Variants in ITGA9 observed in about 807,000 individuals in gnomAD.
ITGA9 encodes the protein integrin alpha-9.
ITGA9 carries 56 observed loss-of-function variants against 127.8 expected under a neutral mutation model. That is an observed-to-expected ratio of 0.44 (90% CI 0.35 to 0.55). The LOEUF is 0.55. ITGA9 is among the 20% of genes least tolerant of loss of function. ITGA9 has a pLI of 0.00. For synonymous variants in ITGA9, 508 were observed against 514.5 expected (o/e 0.99, Z 0.17); for missense variants, 1,196 against 1,347.1 (o/e 0.89, Z 1.76).
chr3:37,541,399 GA>G (rs1480947787), intron 14 of ITGA9, among the ~76,000 whole-genome samples: 3 of 152,198 alleles, frequency 2.0e-5, no homozygotes, highest in Non-Finnish European at 4.4e-5. Flanking sequence ...CTCTGGCACA[GA>G]AAAGCAGTAA....
chr3:37,573,902 A>G (rs1699626607), intron 15 of ITGA9, among the ~76,000 whole-genome samples: 1 of 152,194 alleles, frequency 6.6e-6, no homozygotes, highest in Non-Finnish European at 1.5e-5. Context: ...TGAACTAGGC[A>G]GAATGAGCAG....
chr3:37,760,166 G>C (rs1173547453), intron 23 of ITGA9, among the ~76,000 whole-genome samples: 2 of 152,058 alleles, frequency 1.3e-5, no homozygotes, highest in East Asian at 3.9e-4. Flanking sequence ...AGGAGGCTGA[G>C]GCAGGAGAAT....
At chr3:37,586,555 G>A (rs1699761104) in intron 15 of ITGA9, among the ~76,000 whole-genome samples, 1 of 152,242 alleles carries the variant, frequency 6.6e-6, no homozygotes, top group Non-Finnish European at 1.5e-5. Context: ...TCTGCAGAAA[G>A]CCATGCCTAG....
At chr3:37,595,466 C>G (rs922282054) in intron 15 of ITGA9, among the ~76,000 whole-genome samples, 1 of 152,196 alleles carries the variant, frequency 6.6e-6, no homozygotes, top group African/African-American at 2.4e-5. Flanking sequence ...GTTGAGAAAC[C>G]TGTTCTCCCT....
chr3:37,653,651 G>A (rs921714793), intron 16 of ITGA9, 63 bp from the exon 17 acceptor site: 7 of 1,152,696 alleles, frequency 6.1e-6, no homozygotes, highest in Middle Eastern at 4.5e-4. Flanking sequence ...AAAGGAATTG[G>A]CCACTGTGTA....
Position 37,551,291 on chromosome 3 carries a change from A to G in ITGA9, c.1689+8706A>G, listed in dbSNP as rs146068609. 2.6e-3 allele frequency among the ~76,000 whole-genome samples: 391 copies of G among 152,250 alleles called. 1 individual carries two copies. Among genetic ancestry groups the G allele is most frequent in the Non-Finnish European group, 4.6e-3 (315 of 68,026 alleles). On this transcript the variant is annotated intron_variant, in intron 15 of 27. Transcript: ENST00000264741. ...GGATTCTGTTCGCCAGCCCCTCTGC[A>G]CTCTGAAGATGCACAGCAGCCTCTC...
At chr3:37,476,099 G>A (rs1371348666) in intron 3 of ITGA9, among the ~76,000 whole-genome samples, 1 of 152,148 alleles carries the variant, frequency 6.6e-6, no homozygotes, top group East Asian at 1.9e-4. Context: ...TCTATTGACG[G>A]ACATTTAGGT....
intron 26 of ITGA9, among the ~76,000 whole-genome samples, chr3:37,802,726 A>G (rs1697250273): frequency 6.6e-6 from 1 of 152,204 alleles, no homozygotes; most frequent in African/African-American, 2.4e-5. Context: ...CATGTTTAAC[A>G]ATCAGTTCTC....
intron 1 of ITGA9, among the ~76,000 whole-genome samples, chr3:37,466,428 G>A (rs1023529571): frequency 2.9e-5 from 4 of 139,030 alleles, no homozygotes; most frequent in African/African-American, 1.1e-4. Flanking sequence ...AGGTTGCAGT[G>A]AGCGGAGATC....
chr3:37,721,597 G>A (rs1575208124), intron 18 of ITGA9, among the ~76,000 whole-genome samples: 1 of 152,162 alleles, frequency 6.6e-6, no homozygotes, highest in Admixed American at 6.5e-5. Flanking sequence ...AAAATTTCAA[G>A]GAAGCAACTG....
chr3:37,537,506 A>G (rs1699220943), intron 14 of ITGA9, among the ~76,000 whole-genome samples: 1 of 152,222 alleles, frequency 6.6e-6, no homozygotes, highest in Non-Finnish European at 1.5e-5. Flanking sequence ...CAGCACAGCA[A>G]GCATCCAGTT....
intron 18 of ITGA9, among the ~76,000 whole-genome samples, chr3:37,716,619 C>G (rs138508790): frequency 1.6e-4 from 23 of 148,360 alleles, no homozygotes; most frequent in Non-Finnish European, 3.1e-4. Flanking sequence ...AACAAGCATA[C>G]TAGATCTTAA....
chr3:37,644,256 A>C (rs1700357184), intron 16 of ITGA9, among the ~76,000 whole-genome samples: 1 of 152,216 alleles, frequency 6.6e-6, no homozygotes, highest in African/African-American at 2.4e-5. Flanking sequence ...CAGTTATCAC[A>C]GGGGTTGAAC....
At chr3:37,801,891 A>G (rs944819007) in intron 26 of ITGA9, among the ~76,000 whole-genome samples, 3 of 152,134 alleles carry the variant, frequency 2.0e-5, no homozygotes, top group African/African-American at 7.2e-5. Context: ...TGGCACACGC[A>G]CACACTCTCC....
At chr3:37,465,061 C>G (rs1189698560) in intron 1 of ITGA9, among the ~76,000 whole-genome samples, 1 of 152,234 alleles carries the variant, frequency 6.6e-6, no homozygotes, top group Non-Finnish European at 1.5e-5. Flanking sequence ...ATGCTGAAAG[C>G]AAACCTAATG....
chr3:37,590,540 G>C (rs966864028), intron 15 of ITGA9, among the ~76,000 whole-genome samples: 10 of 152,188 alleles, frequency 6.6e-5, no homozygotes, highest in Non-Finnish European at 1.0e-4. Context: ...CAAATATTTA[G>C]CTACGGCCAC....
At chr3:37,666,079 G>T (rs1036951809) in intron 17 of ITGA9, among the ~76,000 whole-genome samples, 1 of 152,192 alleles carries the variant, frequency 6.6e-6, no homozygotes, top group African/African-American at 2.4e-5. Flanking sequence ...ACATAATGCT[G>T]CATCACAATG....
intron 4 of ITGA9, among the ~76,000 whole-genome samples, chr3:37,490,487 A>G (rs1698658569): frequency 6.6e-6 from 1 of 152,228 alleles, no homozygotes; most frequent in African/African-American, 2.4e-5. Context: ...GATGTGTTAA[A>G]AAGCTTTGAA....
intron 13 of ITGA9, among the ~76,000 whole-genome samples, chr3:37,530,180 G>A (rs1328953606): frequency 1.3e-5 from 2 of 152,228 alleles, no homozygotes; most frequent in African/African-American, 2.4e-5. Flanking sequence ...GTCTGCAGGG[G>A]CAGCCGTTGA....
Sources: gnomAD v4.1 joint callset for allele counts (sites outside exome capture counted in the v4.1 genomes callset) on GRCh38, gnomAD v4.1.1 for gene constraint, MANE v1.5 for transcripts, NCBI Gene and HGNC (gene_info 2026-07-23, HGNC 2026-07-21) for gene names.